Variants in CHST8 observed in about 807,000 individuals in gnomAD.
The protein encoded by CHST8 is carbohydrate sulfotransferase 8, also known as GALNAC-4-ST1.
A neutral mutation model predicts 15.0 loss-of-function variants in CHST8; 10 were observed. The ratio of observed to expected loss-of-function variants is 0.67; its 90% confidence interval spans 0.41 to 1.13. The LOEUF is 1.13. Ranked by LOEUF, CHST8 falls within the 50% of genes most tolerant of loss-of-function variation. The pLI is 0.00. For missense variants in CHST8, 634 were observed against 608.2 expected (o/e 1.04, Z -0.45); for synonymous variants, 259 against 256.6 (o/e 1.01, Z -0.09).
chr19:33,686,672 A>G (rs976110810), intron 2 of CHST8, among the ~76,000 whole-genome samples: 22 of 152,026 alleles, frequency 1.4e-4, no homozygotes, highest in African/African-American at 5.3e-4. Context: ...AAATGTCTTG[A>G]TGTTGGAGGC....
At chr19:33,738,666 T>G (rs1285377277) in intron 3 of CHST8, among the ~76,000 whole-genome samples, 1 of 152,164 alleles carries the variant, frequency 6.6e-6, no homozygotes, top group Admixed American at 6.5e-5. Flanking sequence ...CTCGGCTCAC[T>G]GCAACCTCCG....
At chr19:33,724,648 C>T (rs1418672646) in intron 3 of CHST8, among the ~76,000 whole-genome samples, 1 of 152,198 alleles carries the variant, frequency 6.6e-6, no homozygotes. Flanking sequence ...GCACAAAGAC[C>T]AGGTCAGACC....
intron 3 of CHST8, among the ~76,000 whole-genome samples, chr19:33,769,223 G>A (rs948094397): frequency 9.2e-5 from 14 of 152,230 alleles, no homozygotes; most frequent in Non-Finnish European, 1.9e-4. Context: ...ACCTCAACAA[G>A]CACATGGCCT....
intron 1 of CHST8, among the ~76,000 whole-genome samples, chr19:33,642,211 G>A (rs1010894320): frequency 6.6e-6 from 1 of 152,158 alleles, no homozygotes; most frequent in Non-Finnish European, 1.5e-5. Flanking sequence ...GACTGCAGAT[G>A]GGTGGGCGAC....
intron 1 of CHST8, among the ~76,000 whole-genome samples, chr19:33,647,306 C>T (rs1972367097): frequency 6.6e-6 from 1 of 152,172 alleles, no homozygotes; most frequent in South Asian, 2.1e-4. Context: ...CTATCACGTC[C>T]TGGGAGCCAA....
At chr19:33,638,666 C>G (rs575725070) in intron 1 of CHST8, among the ~76,000 whole-genome samples, 5 of 152,238 alleles carry the variant, frequency 3.3e-5, no homozygotes, top group African/African-American at 1.2e-4. Flanking sequence ...CAAATTCTGT[C>G]GGAAAGGGAG....
chr19:33,638,056 T>C (rs891937391), intron 1 of CHST8, among the ~76,000 whole-genome samples: 2 of 152,048 alleles, frequency 1.3e-5, no homozygotes, highest in African/African-American at 4.8e-5. Context: ...CCTGGGCGAC[T>C]GTGTGATGGA....
chr19:33,644,282 C>G (rs1428471818), intron 1 of CHST8, among the ~76,000 whole-genome samples: 1 of 152,110 alleles, frequency 6.6e-6, no homozygotes, highest in Non-Finnish European at 1.5e-5. Flanking sequence ...GATCCATGTA[C>G]TCAACAAATA....
chr19:33,632,139 C>T (rs56239561), intron 1 of CHST8, among the ~76,000 whole-genome samples: 17,500 of 138,422 alleles, frequency 0.13, 1,267 homozygotes, highest in East Asian at 0.17. Context: ...CTCTCTCTCT[C>T]TTTTTTTTTT....
intron 1 of CHST8, among the ~76,000 whole-genome samples, chr19:33,660,161 CT>C (rs1243190946): frequency 6.6e-6 from 1 of 152,134 alleles, no homozygotes; most frequent in Non-Finnish European, 1.5e-5. Context: ...TCTTTTTGCT[CT>C]TTTTGGTGGA....
chr19:33,772,581 G>A lies in CHST8; in HGVS notation c.793G>A (p.Val265Met). The A allele has an allele frequency of 6.2e-7, 1 of 1,614,028 alleles. No homozygotes were observed. The highest frequency in any genetic ancestry group is 8.5e-7 in the Non-Finnish European group (1 of 1,180,048). The change falls in exon 5 of 5, where the codon GTG (valine) becomes ATG (methionine). Residue 265 changes from valine (V) to methionine (M), a missense_variant. By Grantham distance (21) the Val-to-Met change is conservative. Transcript: ENST00000650847. ...LFVREPFERL[V>M]SAFRDKFEHP... ...TGTCCGCGAGCCCTTCGAGAGGCTGGTGTCCGCCTTCCGCGACAAGTTTGA... is the reference window on the plus strand; with the variant it reads ...TGTCCGCGAGCCCTTCGAGAGGCTGATGTCCGCCTTCCGCGACAAGTTTGA...
At chr19:33,695,821 C>CTTTTTTTTTTTTTTTTTTTTTTT (rs55695414) in intron 3 of CHST8, among the ~76,000 whole-genome samples, 3 of 76,230 alleles carry the variant, frequency 3.9e-5, no homozygotes, top group Non-Finnish European at 2.5e-5. Flanking sequence ...TTCTTTCTTT[C>CTTTTTTTTTTTTTTTTTTTTTTT]TTTTTTTTTT....
In CHST8 at chr19:33,772,945, G is replaced by C. The variant is rs1274492989; in HGVS notation, c.1157G>C (p.Arg386Thr). The change falls in exon 5 of 5, where the codon AGG (arginine) becomes ACG (threonine). Residue 386 changes from arginine (R) to threonine (T), a missense_variant. By Grantham distance (71) the Arg-to-Thr change is moderately conservative (BLOSUM62 -1). Transcript: ENST00000650847. The stretch of plus-strand genomic sequence containing the variant: ...TCGCAGGAGGCGCGGACCACAGCGA[G>C]GATCGCCCACCAGTACTTCGCCCAA... Reference protein sequence around the residue: ...RHSQEARTTARIAHQYFAQLS... With the variant: ...RHSQEARTTATIAHQYFAQLS... The C allele has an allele frequency of 1.1e-5, 17 of 1,613,500 alleles. No homozygotes were observed. Among genetic ancestry groups the C allele is most frequent in the Non-Finnish European group, 1.4e-5 (16 of 1,180,038 alleles).
chr19:33,690,930 C>T (rs370513083), intron 3 of CHST8, among the ~76,000 whole-genome samples: 41 of 152,210 alleles, frequency 2.7e-4, no homozygotes, highest in East Asian at 5.8e-4. Context: ...TTGGTGTGTG[C>T]GTGGTTGGGG....
chr19:33,645,236 G>A (rs8111485), intron 1 of CHST8, among the ~76,000 whole-genome samples: 142,857 of 152,256 alleles, frequency 0.94, 67,466 homozygotes, highest in Non-Finnish European at 0.99. Flanking sequence ...ATGAGGCCGT[G>A]TGGGGGCGGG....
Position 33,689,202 on chromosome 19 carries a change from GGACGAT to G in CHST8, c.-57_-52del. 6.8e-7 allele frequency: 1 copy of G among 1,472,276 alleles called. No homozygotes were observed. The highest frequency in any genetic ancestry group is 9.0e-7 in the Non-Finnish European group (1 of 1,111,902). The allele number at this position is 1,472,276 out of a possible 1,614,324, so 91.2% of individuals were successfully genotyped here. ...TCTCGGCCTGATGGACGCCTGGTGT[GGACGAT>G]GAGGGAAGAACGTGCCCCCCACACC... is the stretch of plus-strand genomic sequence containing the variant. On this transcript the variant is annotated 5_prime_UTR_variant, in exon 3 of 5. It removes an upstream start codon present in the reference 5' UTR. Transcript: ENST00000650847.
rs759257596 is a variant in CHST8 at position 33,772,904 on chromosome 19, G to C, written c.1116G>C (p.Arg372=). The C allele has an allele frequency of 3.0e-5, 49 of 1,613,364 alleles. No individual in the cohort carries two copies. The highest frequency in any genetic ancestry group is 3.9e-5 in the Non-Finnish European group (46 of 1,180,046). ...IRAPRNLTFP[R]FKDRHSQEAR... is the part of the protein sequence containing the mutation. The stretch of plus-strand genomic sequence containing the variant: ...CGCCGCGGAACCTGACCTTCCCCCG[G>C]TTCAAGGACCGGCACTCGCAGGAGG... The change falls in exon 5 of 5, where the codon CGG becomes CGC. Residue 372 remains arginine (R), a synonymous_variant. Transcript: ENST00000650847.
intron 2 of CHST8, among the ~76,000 whole-genome samples, chr19:33,684,349 A>G (rs558013645): frequency 6.6e-6 from 1 of 152,304 alleles, no homozygotes; most frequent in South Asian, 2.1e-4. Context: ...GCCGCCCGGC[A>G]GGGGCCTGGG....
At chr19:33,754,328 C>T (rs115488762) in intron 3 of CHST8, among the ~76,000 whole-genome samples, 3,298 of 151,556 alleles carry the variant, frequency 0.022, 99 homozygotes, top group African/African-American at 0.074. Flanking sequence ...CCAAGTCACC[C>T]GGGTCCATGA....
Sources: gnomAD v4.1 joint callset for allele counts (sites outside exome capture counted in the v4.1 genomes callset) on GRCh38, gnomAD v4.1.1 for gene constraint, MANE v1.5 for transcripts, NCBI Gene and HGNC (gene_info 2026-07-23, HGNC 2026-07-21) for gene names.